NOL7: variants seen among roughly 807,000 people sequenced by gnomAD.
The protein encoded by NOL7 is U3 small nucleolar RNA-associated protein NOL7.
NOL7 carries 36 observed loss-of-function variants against 38.4 expected under a neutral mutation model. The observed-to-expected ratio is 0.94, with a 90% CI of 0.72 to 1.24. The LOEUF is 1.24. NOL7 is among the 50% of genes most tolerant of loss of function. The probability of loss-of-function intolerance (pLI) is 0.00; values close to 1 mark genes in which losing one functional copy is unlikely to be tolerated. For synonymous variants in NOL7, 142 were observed against 126.5 expected (o/e 1.12, Z -0.82); for missense variants, 350 against 315.1 (o/e 1.11, Z -0.84).
intron 2 of NOL7, 45 bp from the exon 3 acceptor site, chr6:13,616,418 A>C: frequency 3.7e-5 from 49 of 1,315,150 alleles, no homozygotes; most frequent in Non-Finnish European, 5.2e-5. Flanking sequence ...CGGACATACT[A>C]TGTACATGAC....
Position 13,620,230 on chromosome 6 carries a change from G to C in NOL7, c.523G>C (p.Val175Leu). Reference protein sequence around the residue: ...SVSQNKSYLAVRLKDQDLRDS... With the variant: ...SVSQNKSYLALRLKDQDLRDS... ...CAGCCAGAATAAAAGCTACTTGGCCGTAAGGCTAAAAGACCAAGATCTGAG... is the reference window on the plus strand; with the variant it reads ...CAGCCAGAATAAAAGCTACTTGGCCCTAAGGCTAAAAGACCAAGATCTGAG... The change falls in exon 6 of 8, where the codon GTA becomes CTA. Residue 175 changes from valine (V) to leucine (L), a missense_variant. Transcript: ENST00000451315. The C allele has an allele frequency of 6.2e-7, 1 of 1,613,384 alleles. No homozygotes were observed. Among genetic ancestry groups the C allele is most frequent in the Non-Finnish European group, 8.5e-7 (1 of 1,179,792 alleles).
chr6:13,623,359 T>C (rs552576009), downstream of NOL7, among the ~76,000 whole-genome samples: 1 of 152,328 alleles, frequency 6.6e-6, no homozygotes, highest in South Asian at 2.1e-4. Flanking sequence ...AGGCTTCATA[T>C]GGTTTAACTC....
downstream of NOL7, among the ~76,000 whole-genome samples, chr6:13,624,162 C>G (rs780034706): frequency 6.6e-6 from 1 of 152,166 alleles, no homozygotes; most frequent in Admixed American, 6.5e-5. Context: ...TTCCGGAGAA[C>G]TACAACACTG....
At chr6:13,623,054 T>G (rs1764499041), downstream of NOL7, among the ~76,000 whole-genome samples, 2 of 152,116 alleles carry the variant, frequency 1.3e-5, no homozygotes, top group Admixed American at 1.3e-4. Flanking sequence ...GTTTTGGAGG[T>G]GCTAATTTAC....
At chr6:13,627,004 C>A (rs753650381) in intron 8 of NOL7, among the ~76,000 whole-genome samples, 4 of 152,204 alleles carry the variant, frequency 2.6e-5, no homozygotes, top group African/African-American at 4.8e-5. Flanking sequence ...CGTGCCTCTA[C>A]GCAAACACAC....
chr6:13,617,058 G>A (rs1031400456), intron 3 of NOL7, among the ~76,000 whole-genome samples: 3 of 151,106 alleles, frequency 2.0e-5, no homozygotes, highest in Non-Finnish European at 2.9e-5. Context: ...CTCCCCTTAA[G>A]GCTTTAAATT....
chr6:13,621,429 T>TTTTAA lies in NOL7; in HGVS notation c.*602_*603insTTTAA, dbSNP rs1764440744. 1 of 152,666 alleles carries TTTTAA rather than the reference T, an allele frequency of 6.6e-6. No individual in the cohort carries two copies. The highest frequency in any genetic ancestry group is 6.5e-5 in the Admixed American group (1 of 15,276). The allele number at this position is 152,666 out of a possible 1,614,324, so 9.5% of individuals were successfully genotyped here. A position where few individuals can be genotyped will look rare whatever the true frequency, so the allele number is the denominator to read the frequency against. ...AATTGTAGAAACCATTAATTTTAAT[T>TTTTAA]GCTCTAATTTTCATAGTAATCATAA... On this transcript the variant is annotated 3_prime_UTR_variant, in exon 8 of 8. Coordinates refer to ENST00000451315, the MANE Select transcript of NOL7 (RefSeq NM_016167.5).
chr6:13,625,796 C>T (rs1168415850), downstream of NOL7: 3 of 1,423,118 alleles, frequency 2.1e-6, no homozygotes, highest in Non-Finnish European at 3.0e-6. Flanking sequence ...GGTTTTAATT[C>T]AAATAGTTCA....
At chr6:13,622,495 G>A (rs369791365), downstream of NOL7, 12 of 1,553,942 alleles carry the variant, frequency 7.7e-6, no homozygotes, top group Non-Finnish European at 9.5e-6. Context: ...GTGGGTTTCT[G>A]AGGAAAAATA....
intron 5 of NOL7, 95 bp from the exon 6 acceptor site, chr6:13,620,113 A>T: frequency 7.2e-7 from 1 of 1,390,502 alleles, no homozygotes; most frequent in African/African-American, 1.5e-5. Flanking sequence ...GAGATCGCGC[A>T]GCCTGGGTGA....
intron 8 of NOL7, among the ~76,000 whole-genome samples, chr6:13,631,780 C>G (rs1185635866): frequency 6.6e-6 from 1 of 152,190 alleles, no homozygotes; most frequent in African/African-American, 2.4e-5. Flanking sequence ...AACTGGTACA[C>G]AAAACTGTGG....
rs1764438455 is a variant in NOL7 at position 13,621,336 on chromosome 6, A to C, written c.*509A>C. On this transcript the variant is annotated 3_prime_UTR_variant, in exon 8 of 8. Transcript: ENST00000451315. ...GTTGCCTTTCTGTGTCAGCCACAAT[A>C]TCAGGTCTAACCCTAATCCAGGGAT... 1 of 152,824 alleles carries C rather than the reference A, an allele frequency of 6.5e-6. No homozygotes were observed. The highest frequency in any genetic ancestry group is 3.4e-3 in the Middle Eastern group (1 of 294). 9.5% of individuals were successfully genotyped at this position (152,824 alleles called of 1,614,324 possible).
At chr6:13,630,415 A>G (rs1051641638) in intron 8 of NOL7, among the ~76,000 whole-genome samples, 2 of 152,210 alleles carry the variant, frequency 1.3e-5, no homozygotes, top group Non-Finnish European at 2.9e-5. Flanking sequence ...AATGGAGTAT[A>G]ATCTTAAATT....
downstream of NOL7, among the ~76,000 whole-genome samples, chr6:13,623,786 G>C (rs367951297): frequency 6.6e-6 from 1 of 152,100 alleles, no homozygotes; most frequent in East Asian, 1.9e-4. Context: ...TACAGGAATC[G>C]CATACATTTA....
chr6:13,618,489 C>T (rs1003253505), intron 5 of NOL7, among the ~76,000 whole-genome samples: 3 of 151,978 alleles, frequency 2.0e-5, no homozygotes, highest in African/African-American at 7.3e-5. Context: ...CCTCATGATC[C>T]ACCCGCCTCG....
intron 4 of NOL7, 103 bp downstream of exon 4, chr6:13,617,904 T>A: frequency 8.2e-7 from 1 of 1,213,270 alleles, no homozygotes; most frequent in Non-Finnish European, 1.2e-6. Flanking sequence ...AGCATGGGCC[T>A]GGCCAAGGTT....
chr6:13,619,529 T>C (rs150944191), intron 5 of NOL7, among the ~76,000 whole-genome samples: 5 of 152,362 alleles, frequency 3.3e-5, no homozygotes, highest in African/African-American at 7.2e-5. Flanking sequence ...TCACAGTATG[T>C]TGGACTTTTC....
At chr6:13,626,815 C>T (rs1764619598) in intron 8 of NOL7, among the ~76,000 whole-genome samples, 1 of 152,176 alleles carries the variant, frequency 6.6e-6, no homozygotes, top group African/African-American at 2.4e-5. Context: ...ACCCATTTTC[C>T]ATCATTTCTC....
intron 8 of NOL7, chr6:13,632,270 T>TG: frequency 2.4e-6 from 3 of 1,257,822 alleles, no homozygotes; most frequent in Non-Finnish European, 3.3e-6. Flanking sequence ...CAGGTCCCAG[T>TG]TCCCTAACAA....
Sources: allele counts gnomAD v4.1 joint callset (sites outside exome capture counted in the v4.1 genomes callset), GRCh38; gene constraint gnomAD v4.1.1; transcripts MANE v1.5; gene names NCBI Gene and HGNC (gene_info 2026-07-23, HGNC 2026-07-21).